The following NEGR1 variants were observed in gnomAD, a reference collection of about 807,000 sequenced individuals.
NEGR1 encodes the protein IgLON family member 4.
Under a neutral mutation model 40.9 loss-of-function variants are expected in NEGR1, and 10 were observed. The observed-to-expected ratio is 0.24, with a 90% CI of 0.15 to 0.42. The LOEUF (loss-of-function observed/expected upper bound fraction) is 0.42, where lower values mean the gene tolerates loss of function less well. NEGR1 is among the 10% of genes least tolerant of loss of function. The pLI is 1.00. For missense variants in NEGR1, 352 were observed against 438.9 expected, an observed-to-expected ratio of 0.80 and a Z score of 1.77; for synonymous variants, 185 against 166.8, an observed-to-expected ratio of 1.11 and a Z score of -0.84.
chr1:71,759,678 C>T (rs566654894), intron 3 of NEGR1, among the ~76,000 whole-genome samples: 1 of 142,184 alleles, frequency 7.0e-6, no homozygotes, highest in East Asian at 2.1e-4. Flanking sequence ...AGCGCCATCT[C>T]GGCTCACTGC....
intron 1 of NEGR1, among the ~76,000 whole-genome samples, chr1:72,054,928 A>G (rs1374345278): frequency 6.6e-6 from 1 of 151,168 alleles, no homozygotes; most frequent in East Asian, 1.9e-4. Context: ...CTGGGGGATC[A>G]AAGGGATGAT....
chr1:71,573,339 C>T (rs997482276), intron 6 of NEGR1: 1 of 152,146 alleles, frequency 6.6e-6, no homozygotes, highest in Non-Finnish European at 1.5e-5. Context: ...GCAAAATTGC[C>T]ATTTTTTTAG....
intron 3 of NEGR1, among the ~76,000 whole-genome samples, chr1:71,725,409 T>C (rs1170671544): frequency 2.0e-5 from 3 of 152,124 alleles, no homozygotes; most frequent in Non-Finnish European, 4.4e-5. Context: ...TGAACTTTTA[T>C]CCATGCTGAT....
chr1:71,842,372 GGAC>G (rs1426682357), intron 2 of NEGR1, among the ~76,000 whole-genome samples: 3 of 152,056 alleles, frequency 2.0e-5, no homozygotes, highest in African/African-American at 7.2e-5. Context: ...AACTCATCAT[GGAC>G]AGCATCTATC....
At chr1:71,683,572 A>G (rs1471889147) in intron 4 of NEGR1, among the ~76,000 whole-genome samples, 1 of 151,750 alleles carries the variant, frequency 6.6e-6, no homozygotes, top group African/African-American at 2.4e-5. Context: ...AAAAGGAAAA[A>G]TCTCCCTCAG....
chr1:71,995,484 A>G (rs1338515178), intron 1 of NEGR1, among the ~76,000 whole-genome samples: 2 of 152,208 alleles, frequency 1.3e-5, no homozygotes, highest in African/African-American at 4.8e-5. Flanking sequence ...AAATATCAAC[A>G]GGCTAAATAG....
chr1:72,077,659 A>T (rs1275042071), intron 1 of NEGR1, among the ~76,000 whole-genome samples: 1 of 151,200 alleles, frequency 6.6e-6, no homozygotes, highest in Non-Finnish European at 1.5e-5. Flanking sequence ...TAAATAAATA[A>T]ATAAATAGGC....
chr1:72,042,048 T>C (rs1646961547), intron 1 of NEGR1, among the ~76,000 whole-genome samples: 1 of 149,526 alleles, frequency 6.7e-6, no homozygotes, highest in Non-Finnish European at 1.5e-5. Flanking sequence ...TATATCTATT[T>C]GAGAAATACT....
intron 1 of NEGR1, among the ~76,000 whole-genome samples, chr1:72,031,373 T>C (rs554547983): frequency 6.6e-6 from 1 of 152,324 alleles, no homozygotes; most frequent in East Asian, 1.9e-4. Context: ...CCCACTTTAC[T>C]CAGGTGCCAT....
intron 1 of NEGR1, among the ~76,000 whole-genome samples, chr1:72,129,125 C>A (rs779996733): frequency 5.2e-4 from 79 of 152,012 alleles, no homozygotes; most frequent in Admixed American, 1.0e-3. Context: ...CTTTTCAGCC[C>A]CCTTAATAGT....
intron 1 of NEGR1, among the ~76,000 whole-genome samples, chr1:72,016,461 G>A (rs1646711133): frequency 6.6e-6 from 1 of 152,112 alleles, no homozygotes; most frequent in South Asian, 2.1e-4. Flanking sequence ...ACACTCATCT[G>A]CCTCACAACA....
At chr1:71,857,457 CAAAAA>C (rs34177437) in intron 2 of NEGR1, among the ~76,000 whole-genome samples, 4 of 77,660 alleles carry the variant, frequency 5.2e-5, no homozygotes, top group African/African-American at 2.2e-4. Context: ...ACAAAAAATA[CAAAAA>C]AAAAAAAAAA....
chr1:71,923,855 C>T (rs543214506), intron 2 of NEGR1, among the ~76,000 whole-genome samples: 5 of 152,260 alleles, frequency 3.3e-5, no homozygotes, highest in East Asian at 3.9e-4. Flanking sequence ...CTTTTAAGGT[C>T]CCATGTGATT....
At chr1:71,527,013 C>G (rs999691112) in intron 6 of NEGR1, among the ~76,000 whole-genome samples, 2 of 151,562 alleles carry the variant, frequency 1.3e-5, no homozygotes, top group Non-Finnish European at 3.0e-5. Flanking sequence ...TTTGCCTAAA[C>G]TAACAAATTC....
intron 6 of NEGR1, among the ~76,000 whole-genome samples, chr1:71,582,374 A>G (rs980381682): frequency 1.1e-4 from 17 of 152,212 alleles, no homozygotes; most frequent in African/African-American, 3.9e-4. Context: ...CATAGAATAC[A>G]ATCCTATACA....
intron 1 of NEGR1, among the ~76,000 whole-genome samples, chr1:71,989,508 T>C (rs2031745): frequency 0.036 from 5,481 of 152,216 alleles, 318 homozygotes; most frequent in African/African-American, 0.13. Context: ...AAATGAGTAA[T>C]GGCATTTTAT....
intron 2 of NEGR1, among the ~76,000 whole-genome samples, chr1:71,806,970 G>T (rs529338749): frequency 4.4e-5 from 6 of 137,242 alleles, no homozygotes; most frequent in Non-Finnish European, 9.1e-5. Context: ...TCCGCTTACC[G>T]CAAGCTCCAC....
intron 6 of NEGR1, among the ~76,000 whole-genome samples, chr1:71,500,991 T>C (rs539762788): frequency 6.6e-6 from 1 of 152,242 alleles, no homozygotes; most frequent in African/African-American, 2.4e-5. Flanking sequence ...ACTGTATGTT[T>C]AAACATGCTA....
Position 72,002,262 on chromosome 1 carries a change from T to C in NEGR1, c.177-66951A>G, listed in dbSNP as rs115258902. ...AATCTGGTAATAAAGTTGTTTTTAT[T>C]AATTATTATCATCTTAATGAATGTT... On this transcript the variant is annotated intron_variant, in intron 1 of 6. Transcript: ENST00000357731. Among the ~76,000 whole-genome samples, 958 of 152,242 alleles carry C rather than the reference T, an allele frequency of 6.3e-3. 15 individuals are homozygous for C. Among genetic ancestry groups the C allele is most frequent in the African/African-American group, 0.022 (916 of 41,566 alleles).
Sources: gnomAD v4.1 joint callset for allele counts (sites outside exome capture counted in the v4.1 genomes callset) on GRCh38, gnomAD v4.1.1 for gene constraint, MANE v1.5 for transcripts, NCBI Gene and HGNC (gene_info 2026-07-23, HGNC 2026-07-21) for gene names.